Variants in MDM2 observed in about 807,000 individuals in gnomAD.
MDM2 encodes MDM2 proto-oncogene, also known as E3 ubiquitin-protein ligase Mdm2.
MDM2 carries 11 observed loss-of-function variants against 64.3 expected under a neutral mutation model. That is an observed-to-expected ratio of 0.17 (90% CI 0.11 to 0.28). MDM2 has a LOEUF of 0.28. Among genes scored for constraint, MDM2 ranks in the 10% least tolerant of loss-of-function variants. The pLI, the probability that MDM2 is intolerant of heterozygous loss-of-function variation, is 1.00. For missense variants in MDM2, 388 were observed against 577.1 expected, an observed-to-expected ratio of 0.67 and a Z score of 3.36; for synonymous variants, 194 against 192.9, an observed-to-expected ratio of 1.01 and a Z score of -0.05.
downstream of MDM2, chr12:68,850,096 GCAACA>G (rs1190946101): frequency 6.6e-6 from 1 of 151,994 alleles, no homozygotes; most frequent in Non-Finnish European, 1.5e-5. Flanking sequence ...ACCAACCTGG[GCAACA>G]TGGTGCAACC....
Position 68,841,855 on chromosome 12 carries a change from T to C in MDM2, c.*2006T>C. The C allele has an allele frequency of 4.7e-6, 1 of 214,172 alleles. No homozygotes were observed. The highest frequency in any genetic ancestry group is 9.5e-6 in the Non-Finnish European group (1 of 105,208). The allele number at this position is 214,172 out of a possible 1,614,324, so 13.3% of individuals were successfully genotyped here. A position where few individuals can be genotyped will look rare whatever the true frequency, so the allele number is the denominator to read the frequency against. On this transcript the variant is annotated 3_prime_UTR_variant, in exon 11 of 11. Transcript: ENST00000258149. ...AGAATGACAGGGTCAGCATGTGGAATTCCAAGATACCTCTTGACTTCCTCT... is the reference window on the plus strand; with the variant it reads ...AGAATGACAGGGTCAGCATGTGGAACTCCAAGATACCTCTTGACTTCCTCT...
chr12:68,812,056 A>AT (rs1398927226), intron 2 of MDM2, among the ~76,000 whole-genome samples: 1 of 152,160 alleles, frequency 6.6e-6, no homozygotes, highest in Non-Finnish European at 1.5e-5. Flanking sequence ...TCCATTACAG[A>AT]TTTTTACTTT....
In MDM2 at chr12:68,823,256, G is replaced by GC. The variant is rs549358378; in HGVS notation, c.359-1107_359-1106insC. The stretch of plus-strand genomic sequence containing the variant: ...TGTTAAGATGAAAATGTTTCCAAGG[G>GC]GGGTAGTAAAGGGTATTTGATGATA... On this transcript the variant is annotated intron_variant, in intron 5 of 10. Coordinates refer to ENST00000258149, the MANE Select transcript of MDM2 (RefSeq NM_002392.6). 8.5e-5 allele frequency among the ~76,000 whole-genome samples: 13 copies of GC among 152,106 alleles called. No homozygotes were observed. The East Asian group carries it at 1.4e-3, about 16-fold the overall frequency.
At position 68,824,301 on chromosome 12, in the gene MDM2, G is replaced by C. The variant is rs972317023; in HGVS notation, c.359-62G>C. The C allele has an allele frequency of 7.0e-6, 8 of 1,140,280 alleles. No individual in the cohort carries two copies. In the Middle Eastern group the frequency reaches 1.5e-3, roughly 208 times the overall value. 70.6% of individuals were successfully genotyped at this position (1,140,280 alleles called of 1,614,324 possible). A position where few individuals can be genotyped will look rare whatever the true frequency, so the allele number is the denominator to read the frequency against. On this transcript the variant is annotated intron_variant, in intron 5 of 10. Coordinates refer to ENST00000258149, the MANE Select transcript of MDM2 (RefSeq NM_002392.6). ...GTGTTAGACTGATAGCATATCTACT[G>C]AGTAGCGCCCCGCCGCCCCCCGCCC... is the stretch of plus-strand genomic sequence containing the variant.
downstream of MDM2, chr12:68,846,333 C>G (rs1444700507): frequency 6.6e-6 from 1 of 152,132 alleles, no homozygotes; most frequent in Non-Finnish European, 1.5e-5. Context: ...GTGATCTGCC[C>G]GTCTTGGCTT....
intron 2 of MDM2, among the ~76,000 whole-genome samples, chr12:68,811,014 C>T (rs1042087903): frequency 5.3e-5 from 8 of 151,966 alleles, no homozygotes; most frequent in East Asian, 1.9e-4. Flanking sequence ...TACAGGCATG[C>T]GCCACCACGC....
chr12:68,809,777 T>C (rs925301093), intron 2 of MDM2, among the ~76,000 whole-genome samples: 2 of 152,254 alleles, frequency 1.3e-5, no homozygotes, highest in African/African-American at 4.8e-5. Context: ...GTTATTGTCC[T>C]GTTTGTTGTA....
chr12:68,808,284 C>A lies in MDM2; in HGVS notation c.-194C>A, dbSNP rs1880533316. The A allele has an allele frequency of 3.1e-6, 2 of 653,364 alleles. No individual in the cohort carries two copies. Among genetic ancestry groups the A allele is most frequent in the South Asian group, 3.6e-5 (2 of 54,874 alleles). The allele number at this position is 653,364 out of a possible 1,614,324, so 40.5% of individuals were successfully genotyped here. ...GCCGAGCCCGAGGGGCGGCCGCGACCCCTCTGACCGAGATCCTGCTGCTTT... is the reference window on the plus strand; with the variant it reads ...GCCGAGCCCGAGGGGCGGCCGCGACACCTCTGACCGAGATCCTGCTGCTTT... On this transcript the variant is annotated 5_prime_UTR_variant, in exon 1 of 11. Transcript: ENST00000258149.
intron 7 of MDM2, 69 bp downstream of exon 7, chr12:68,824,720 C>A: frequency 1.0e-6 from 1 of 989,222 alleles, no homozygotes; most frequent in Non-Finnish European, 1.5e-6. Flanking sequence ...GAAATTAGTG[C>A]TTTTAGACTT....
chr12:68,820,504 A>G (rs529919814), intron 5 of MDM2, 130 bp downstream of exon 5: 7 of 711,998 alleles, frequency 9.8e-6, no homozygotes, highest in Admixed American at 5.9e-5. Flanking sequence ...TAATAAAAGT[A>G]TGATAAATTT....
downstream of MDM2, chr12:68,849,999 C>T (rs1261810381): frequency 6.6e-6 from 1 of 152,200 alleles, no homozygotes; most frequent in Admixed American, 6.6e-5. Context: ...ACAAAAAACC[C>T]TTGGCTGGGG....
intron 3 of MDM2, among the ~76,000 whole-genome samples, chr12:68,815,433 C>CTTTTTTTTTTTTTT (rs58178593): frequency 4.3e-5 from 4 of 93,060 alleles, no homozygotes; most frequent in African/African-American, 8.8e-5. Flanking sequence ...GTTTCTTCTT[C>CTTTTTTTTTTTTTT]TTTTTTTTTT....
chr12:68,836,095 C>A, intron 9 of MDM2, 111 bp downstream of exon 9: 1 of 991,614 alleles, frequency 1.0e-6, no homozygotes, highest in Non-Finnish European at 1.4e-6. Flanking sequence ...AAATCTTTAC[C>A]TCTTGATTTG....
At chr12:68,831,412 G>A (rs1882786090) in intron 8 of MDM2, among the ~76,000 whole-genome samples, 1 of 152,114 alleles carries the variant, frequency 6.6e-6, no homozygotes. Flanking sequence ...CAAGAAAACT[G>A]GCCCTCCCAC....
chr12:68,820,416 G>C, intron 5 of MDM2, 42 bp downstream of exon 5: 1 of 1,479,688 alleles, frequency 6.8e-7, no homozygotes, highest in East Asian at 2.3e-5. Flanking sequence ...CCATAAAAAC[G>C]TTTTAAAGAC....
chr12:68,824,308 G>GCCC, intron 5 of MDM2, 55 bp from the exon 6 acceptor site: 2 of 1,251,588 alleles, frequency 1.6e-6, no homozygotes, highest in Non-Finnish European at 2.3e-6. Context: ...ACTGAGTAGC[G>GCCC]CCCCGCCGCC....
chr12:68,833,119 C>CT (rs1202622243), intron 8 of MDM2, among the ~76,000 whole-genome samples: 1 of 75,448 alleles, frequency 1.3e-5, no homozygotes, highest in Non-Finnish European at 2.3e-5. Flanking sequence ...GAGCGAGACT[C>CT]TGTCTCCAAA....
At chr12:68,816,747 A>T in intron 3 of MDM2, 65 bp from the exon 4 acceptor site, 1 of 1,350,074 alleles carries the variant, frequency 7.4e-7, no homozygotes, top group South Asian at 1.4e-5. Flanking sequence ...ATAGGATATT[A>T]TTAAATGTAT....
chr12:68,811,303 T>G (rs1880869266), intron 2 of MDM2, among the ~76,000 whole-genome samples: 1 of 152,222 alleles, frequency 6.6e-6, no homozygotes. Context: ...TGTTGTTTAC[T>G]AATGTAGCAT....
Sources: allele counts gnomAD v4.1 joint callset (sites outside exome capture counted in the v4.1 genomes callset), GRCh38; gene constraint gnomAD v4.1.1; transcripts MANE v1.5; gene names NCBI Gene and HGNC (gene_info 2026-07-23, HGNC 2026-07-21).